L3MBTL4: variants seen among roughly 807,000 people sequenced by gnomAD.
L3MBTL4 encodes the protein L3MBTL histone methyl-lysine binding protein 4, also known as lethal(3)malignant brain tumor-like protein 4.
A neutral mutation model predicts 84.5 loss-of-function variants in L3MBTL4; 70 were observed. That is an observed-to-expected ratio of 0.83 (90% CI 0.68 to 1.01). The LOEUF is 1.01. L3MBTL4 is among the 50% of genes least tolerant of loss of function. The pLI, the probability that L3MBTL4 is intolerant of heterozygous loss-of-function variation, is 0.00. For missense variants in L3MBTL4, 715 were observed against 754.8 expected, an observed-to-expected ratio of 0.95 and a Z score of 0.62; for synonymous variants, 274 against 259.8, an observed-to-expected ratio of 1.05 and a Z score of -0.52.
intron 16 of L3MBTL4, among the ~76,000 whole-genome samples, chr18:6,004,689 A>T (rs2054383776): frequency 6.6e-6 from 1 of 151,256 alleles, no homozygotes; most frequent in Non-Finnish European, 1.5e-5. Flanking sequence ...AAGGAATGAA[A>T]TTCCAATATG....
intron 16 of L3MBTL4, chr18:6,030,886 G>A (rs2055765049): frequency 2.0e-6 from 2 of 985,076 alleles, no homozygotes; most frequent in Non-Finnish European, 2.4e-6. Context: ...AAACAACCAG[G>A]CAGCCAAATT....
chr18:5,991,571 G>T (rs1353111524), intron 16 of L3MBTL4, among the ~76,000 whole-genome samples: 1 of 152,084 alleles, frequency 6.6e-6, no homozygotes, highest in East Asian at 1.9e-4. Flanking sequence ...CACTTACACT[G>T]CTCTATAACT....
chr18:6,127,827 G>A (rs1394659385), intron 14 of L3MBTL4, among the ~76,000 whole-genome samples: 1 of 152,140 alleles, frequency 6.6e-6, no homozygotes, highest in Non-Finnish European at 1.5e-5. Context: ...CTTCTGCAGT[G>A]TGCCTGGGCC....
At chr18:6,127,565 T>C in intron 14 of L3MBTL4, among the ~76,000 whole-genome samples, 1 of 152,210 alleles carries the variant, frequency 6.6e-6, no homozygotes, top group East Asian at 1.9e-4. Context: ...ATTCATCCTT[T>C]GTCCTTGCGA....
intron 6 of L3MBTL4, 35 bp downstream of exon 6, chr18:6,244,449 G>T: frequency 7.8e-7 from 1 of 1,276,054 alleles, no homozygotes. Context: ...TCTGTCACTA[G>T]GCAATTAGCC....
At chr18:6,185,956 C>CTT (rs1480773821) in intron 12 of L3MBTL4, among the ~76,000 whole-genome samples, 1 of 136,054 alleles carries the variant, frequency 7.4e-6, no homozygotes, top group African/African-American at 3.3e-5. Flanking sequence ...AAAAAGGGCA[C>CTT]TTTCTTTATT....
intron 5 of L3MBTL4, among the ~76,000 whole-genome samples, chr18:6,263,686 G>A (rs960545219): frequency 6.6e-6 from 1 of 152,178 alleles, no homozygotes; most frequent in Non-Finnish European, 1.5e-5. Flanking sequence ...CAAGGAGAAA[G>A]GTAGGGAACC....
chr18:6,002,980 A>C (rs1433143760), intron 16 of L3MBTL4, among the ~76,000 whole-genome samples: 1 of 151,104 alleles, frequency 6.6e-6, no homozygotes, highest in Admixed American at 6.6e-5. Flanking sequence ...AGACACAAAC[A>C]GTTTGAAAGG....
At chr18:6,100,248 G>A (rs2058776543) in intron 14 of L3MBTL4, among the ~76,000 whole-genome samples, 2 of 152,084 alleles carry the variant, frequency 1.3e-5, no homozygotes, top group Admixed American at 1.3e-4. Flanking sequence ...CAAATTAAAT[G>A]CTCATAAGTT....
chr18:6,374,577 T>C (rs1161799667), intron 1 of L3MBTL4, among the ~76,000 whole-genome samples: 2 of 152,212 alleles, frequency 1.3e-5, no homozygotes, highest in Non-Finnish European at 2.9e-5. Flanking sequence ...ACCTCTTCCA[T>C]GATTACAGTC....
chr18:6,341,477 C>T (rs920028543), intron 1 of L3MBTL4, among the ~76,000 whole-genome samples: 2 of 151,800 alleles, frequency 1.3e-5, no homozygotes, highest in Non-Finnish European at 2.9e-5. Context: ...ATGAAGAATA[C>T]AACACCTGAA....
chr18:6,102,412 C>T (rs1294173457), intron 14 of L3MBTL4, among the ~76,000 whole-genome samples: 1 of 152,200 alleles, frequency 6.6e-6, no homozygotes, highest in Non-Finnish European at 1.5e-5. Flanking sequence ...CCTCTCTTTC[C>T]AGTCCCCCTA....
At chr18:6,364,075 T>A (rs1347023006) in intron 1 of L3MBTL4, among the ~76,000 whole-genome samples, 1 of 152,264 alleles carries the variant, frequency 6.6e-6, no homozygotes, top group African/African-American at 2.4e-5. Context: ...GGTCCTTGTA[T>A]CTACGCGTGC....
rs988621820 is a variant in L3MBTL4 at position 6,318,548 on chromosome 18, T to C, written c.-90-6492A>G. 5.4e-4 allele frequency among the ~76,000 whole-genome samples: 19 copies of C among 35,354 alleles called. 2 individuals carry two copies. The highest frequency in any genetic ancestry group is 1.9e-3 in the African/African-American group (19 of 9,764). The allele number at this position is 35,354 out of a possible 152,430, so 23.2% of individuals were successfully genotyped here. A position where few individuals can be genotyped will look rare whatever the true frequency, so the allele number is the denominator to read the frequency against. On this transcript the variant is annotated intron_variant, in intron 1 of 18. Coordinates refer to ENST00000317931, the MANE Select transcript of L3MBTL4 (RefSeq NM_001330559.2). ...AAAGACAAAGAAGGTCATTATATAA[T>C]AATAAAAGGATCAATCCAACAAGAG...
chr18:6,122,613 G>C (rs1356588792), intron 14 of L3MBTL4, among the ~76,000 whole-genome samples: 1 of 152,198 alleles, frequency 6.6e-6, no homozygotes, highest in Non-Finnish European at 1.5e-5. Flanking sequence ...ATGTGGAACT[G>C]TAAGTCAAAT....
At chr18:5,995,802 T>G (rs1042234544) in intron 16 of L3MBTL4, among the ~76,000 whole-genome samples, 2 of 152,108 alleles carry the variant, frequency 1.3e-5, no homozygotes, top group Non-Finnish European at 2.9e-5. Context: ...TCCCCACTAC[T>G]TAGCAGGAAA....
chr18:5,965,130 CTA>C (rs1274339662), intron 17 of L3MBTL4, among the ~76,000 whole-genome samples: 7 of 152,212 alleles, frequency 4.6e-5, no homozygotes, highest in Admixed American at 3.9e-4. Context: ...TCCTTATAAC[CTA>C]TGAAGTGCTC....
intron 1 of L3MBTL4, among the ~76,000 whole-genome samples, chr18:6,378,789 C>G (rs2054478096): frequency 6.6e-6 from 1 of 152,132 alleles, no homozygotes; most frequent in Non-Finnish European, 1.5e-5. Flanking sequence ...CTAGGATTGT[C>G]TTGGCTACAT....
rs114196753 is a variant in L3MBTL4, at chr18:6,296,983, G to A, written c.127+4920C>T. ...ATAAGAGAAGCAGACTGAACACTGG[G>A]GAACAAAAGTGAGTTCGGTTTTAAT... is the stretch of plus-strand genomic sequence containing the variant. On this transcript the variant is annotated intron_variant, in intron 4 of 18. Coordinates refer to ENST00000317931, the MANE Select transcript of L3MBTL4 (RefSeq NM_001330559.2). Among the ~76,000 whole-genome samples the A allele has an allele frequency of 2.1e-3, 313 of 152,204 alleles. 2 individuals carry two copies. The highest frequency in any genetic ancestry group is 7.4e-3 in the African/African-American group (308 of 41,528).
Sources: allele counts gnomAD v4.1 joint callset (sites outside exome capture counted in the v4.1 genomes callset), GRCh38; gene constraint gnomAD v4.1.1; transcripts MANE v1.5; gene names NCBI Gene and HGNC (gene_info 2026-07-23, HGNC 2026-07-21).